The following ZNF25 variants were observed in gnomAD, a reference collection of about 807,000 sequenced individuals.
ZNF25 encodes zinc finger protein 25, also known as zinc finger protein 25 (KOX 19).
A neutral mutation model predicts 30.9 loss-of-function variants in ZNF25; 21 were observed. The ratio of observed to expected loss-of-function variants is 0.68; its 90% confidence interval spans 0.48 to 0.98. The LOEUF (loss-of-function observed/expected upper bound fraction) is 0.98, where lower values mean the gene tolerates loss of function less well. ZNF25 is among the 50% of genes least tolerant of loss of function. The pLI is 0.00. For missense variants in ZNF25, 501 were observed against 529.9 expected (o/e 0.95, Z 0.54); for synonymous variants, 169 against 181.3 (o/e 0.93, Z 0.55).
chr10:37,968,299 GC>G (rs2063299692), intron 2 of ZNF25, among the ~76,000 whole-genome samples: 1 of 151,128 alleles, frequency 6.6e-6, no homozygotes, highest in African/African-American at 2.4e-5. Flanking sequence ...CTCGTGATCC[GC>G]CTGCCTCAGC....
rs939490183 is a variant in ZNF25, at chr10:37,949,599, G to A, written c.*2528C>T. Reference sequence around the variant, plus strand: ...CAATGAAAGTCTTTATTAGGAAGGGGAAGTAAGACGCTGGCAGGTTTAGAT... The same window carrying A: ...CAATGAAAGTCTTTATTAGGAAGGGAAAGTAAGACGCTGGCAGGTTTAGAT... On this transcript the variant is annotated 3_prime_UTR_variant, in exon 6 of 6. Coordinates refer to ENST00000302609, the MANE Select transcript of ZNF25 (RefSeq NM_145011.4). 2.0e-5 allele frequency: 3 copies of A among 152,120 alleles called. No homozygotes were observed. Among genetic ancestry groups the A allele is most frequent in the African/African-American group, 7.2e-5 (3 of 41,418 alleles). 9.4% of individuals were successfully genotyped at this position (152,120 alleles called of 1,614,324 possible).
rs1427964276 is a variant in ZNF25, at chr10:37,950,431, TGTC to T, written c.*1693_*1695del. The stretch of plus-strand genomic sequence containing the variant: ...AGTGGGCCAGATCTGTCTGATGGAC[TGTC>T]ATTTGTCAAACCCTGACTTAGTGTA... On this transcript the variant is annotated 3_prime_UTR_variant, in exon 6 of 6. Transcript: ENST00000302609. 6.6e-6 allele frequency: 1 copy of T among 152,592 alleles called. No homozygotes were observed. Among genetic ancestry groups the T allele is most frequent in the Non-Finnish European group, 1.5e-5 (1 of 68,050 alleles). 9.5% of individuals were successfully genotyped at this position (152,592 alleles called of 1,614,324 possible). A position where few individuals can be genotyped will look rare whatever the true frequency, so the allele number is the denominator to read the frequency against.
intron 4 of ZNF25, among the ~76,000 whole-genome samples, chr10:37,954,584 C>A (rs1373783072): frequency 6.6e-6 from 1 of 152,196 alleles, no homozygotes; most frequent in Non-Finnish European, 1.5e-5. Flanking sequence ...ACTTGTTACT[C>A]ATGACTCAAC....
chr10:37,963,234 C>T (rs965656171), intron 2 of ZNF25, among the ~76,000 whole-genome samples: 10 of 151,936 alleles, frequency 6.6e-5, no homozygotes, highest in African/African-American at 1.9e-4. Flanking sequence ...GCACTTCCCC[C>T]GCCCCAGGCT....
chr10:37,955,127 C>T (rs1389663428), intron 4 of ZNF25, among the ~76,000 whole-genome samples: 1 of 151,588 alleles, frequency 6.6e-6, no homozygotes. Flanking sequence ...GCATGCCAGC[C>T]TGCGCAACAG....
intron 5 of ZNF25, 71 bp from the exon 6 acceptor site, chr10:37,953,266 G>A: frequency 2.1e-6 from 3 of 1,430,786 alleles, no homozygotes; most frequent in South Asian, 1.4e-5. Context: ...GCTCCACTGG[G>A]CGTATTTTCC....
chr10:37,964,913 G>C (rs1392764420), intron 2 of ZNF25, among the ~76,000 whole-genome samples: 1 of 152,190 alleles, frequency 6.6e-6, no homozygotes, highest in Non-Finnish European at 1.5e-5. Context: ...CAGGCCCAGA[G>C]GCCTAGGAGG....
intron 4 of ZNF25, 56 bp downstream of exon 4, chr10:37,956,964 G>A (rs2062567699): frequency 4.8e-6 from 6 of 1,237,232 alleles, no homozygotes; most frequent in Non-Finnish European, 7.0e-6. Context: ...TACTTCAGAA[G>A]GCAAGAGGCA....
At chr10:37,965,512 A>T (rs901600966) in intron 2 of ZNF25, among the ~76,000 whole-genome samples, 3 of 152,232 alleles carry the variant, frequency 2.0e-5, no homozygotes, top group African/African-American at 7.2e-5. Flanking sequence ...AAAGAAAAGA[A>T]TTCTATTTCA....
At chr10:37,955,306 T>C (rs2062451274) in intron 4 of ZNF25, among the ~76,000 whole-genome samples, 1 of 152,188 alleles carries the variant, frequency 6.6e-6, no homozygotes, top group Admixed American at 6.5e-5. Flanking sequence ...TGAATATTAC[T>C]AATACCTCCT....
At chr10:37,967,658 T>C (rs1329942527) in intron 2 of ZNF25, among the ~76,000 whole-genome samples, 1 of 152,160 alleles carries the variant, frequency 6.6e-6, no homozygotes, top group Non-Finnish European at 1.5e-5. Flanking sequence ...TCTGCCCACT[T>C]CGGTCACCTA....
chr10:37,952,741 T>C lies in ZNF25; in HGVS notation c.757A>G (p.Thr253Ala). 1 of 1,614,052 alleles carries C rather than the reference T, an allele frequency of 6.2e-7. No individual in the cohort carries two copies. ...AYLMVHQKTH[T>A]GEKPYECKEC... ...TTACACTCATAGGGTTTCTCCCCTG[T>C]GTGTGTTTTCTGATGTACCATGAGG... is the stretch of plus-strand genomic sequence containing the variant. The change falls in exon 6 of 6, where the codon ACA becomes GCA. Residue 253 changes from threonine to alanine, a missense_variant. Transcript: ENST00000302609.
intron 1 of ZNF25, among the ~76,000 whole-genome samples, chr10:37,972,549 A>T (rs2063548435): frequency 6.6e-6 from 1 of 152,090 alleles, no homozygotes; most frequent in Non-Finnish European, 1.5e-5. Context: ...GTAAAATTTA[A>T]TTAGGCCCTG....
Position 37,965,068 on chromosome 10 carries a change from G to A in ZNF25, c.15+6640C>T, listed in dbSNP as rs76803886. On this transcript the variant is annotated intron_variant, in intron 2 of 5. Coordinates refer to ENST00000302609, the MANE Select transcript of ZNF25 (RefSeq NM_145011.4). ...GCCAAAGCTCAGGAGGGCACAATCT[G>A]TAATCCTTCATGGTTTCTATCTAGT... Among the ~76,000 whole-genome samples, 974 of 152,276 alleles carry A rather than the reference G, an allele frequency of 6.4e-3. 32 individuals carry two copies. In the East Asian group the frequency reaches 0.095, roughly 15 times the overall value.
At chr10:37,961,311 A>G (rs535737085) in intron 2 of ZNF25, among the ~76,000 whole-genome samples, 2 of 152,218 alleles carry the variant, frequency 1.3e-5, no homozygotes, top group Non-Finnish European at 2.9e-5. Context: ...ACATACAAGT[A>G]CTAGTTTCTT....
At chr10:37,959,766 C>A (rs766823689) in intron 2 of ZNF25, among the ~76,000 whole-genome samples, 1 of 149,430 alleles carries the variant, frequency 6.7e-6, no homozygotes, top group Non-Finnish European at 1.5e-5. Flanking sequence ...CCCGCCACCA[C>A]GCCTGGCTAA....
Position 37,971,630 on chromosome 10 carries a change from A to AACACACACACAC in ZNF25, c.15+66_15+77dup, listed in dbSNP as rs4007126. The AACACACACACAC allele has an allele frequency of 1.7e-4, 241 of 1,389,608 alleles. 1 individual carries two copies. In the East Asian group the frequency reaches 1.9e-3, roughly 11 times the overall value. 86.1% of individuals were successfully genotyped at this position (1,389,608 alleles called of 1,614,324 possible). A position where few individuals can be genotyped will look rare whatever the true frequency, so the allele number is the denominator to read the frequency against. ...GGGCTCTCGTTCATAAAACTCATTAAACACACACACACACACACACACACA... is the reference window on the plus strand; with the variant it reads ...GGGCTCTCGTTCATAAAACTCATTAAACACACACACACACACACACACACACACACACACACA... On this transcript the variant is annotated intron_variant, in intron 2 of 5. Coordinates refer to ENST00000302609, the MANE Select transcript of ZNF25 (RefSeq NM_145011.4).
At chr10:37,954,051 G>A (rs1333104279) in intron 4 of ZNF25, among the ~76,000 whole-genome samples, 1 of 152,184 alleles carries the variant, frequency 6.6e-6, no homozygotes, top group East Asian at 1.9e-4. Flanking sequence ...GGAGAACATA[G>A]GACATTCGAA....
At position 37,952,686 on chromosome 10, in the gene ZNF25, G is replaced by A. The variant is rs775365009; in HGVS notation, c.812C>T (p.Ser271Leu). The change falls in exon 6 of 6, where the codon TCA becomes TTA. Residue 271 changes from serine to leucine, a missense_variant. By Grantham distance (145) the Ser-to-Leu change is moderately radical. Coordinates refer to ENST00000302609, the MANE Select transcript of ZNF25 (RefSeq NM_145011.4). Reference sequence around the variant, plus strand: ...CATTCTCTGATGTACTGTGAGGTGTGACTTCTGGGAAAAGGCTTTCCCACA... The same window carrying A: ...CATTCTCTGATGTACTGTGAGGTGTAACTTCTGGGAAAAGGCTTTCCCACA... ...KECGKAFSQK[S>L]HLTVHQRMHT... The A allele has an allele frequency of 1.9e-6, 3 of 1,613,658 alleles. No individual in the cohort carries two copies. In the South Asian group the frequency reaches 3.3e-5, roughly 18 times the overall value.
Sources: allele counts gnomAD v4.1 joint callset (sites outside exome capture counted in the v4.1 genomes callset), GRCh38; gene constraint gnomAD v4.1.1; transcripts MANE v1.5; gene names NCBI Gene and HGNC (gene_info 2026-07-23, HGNC 2026-07-21).